Variants in DOCK1 observed in about 807,000 individuals in gnomAD.
DOCK1 encodes dedicator of cytokinesis protein 1.
DOCK1 carries 138 observed loss-of-function variants against 262.7 expected under a neutral mutation model. The ratio of observed to expected loss-of-function variants is 0.53; its 90% CI spans 0.46 to 0.61. The LOEUF is 0.61. Among genes scored for constraint, DOCK1 ranks in the 20% least tolerant of loss-of-function variants. The probability of loss-of-function intolerance (pLI) is 0.00; values close to 1 mark genes in which losing one functional copy is unlikely to be tolerated. For synonymous variants in DOCK1, 866 were observed against 867.4 expected (o/e 1.00, Z 0.03); for missense variants, 1,908 against 2,370.7 (o/e 0.80, Z 4.05).
intron 27 of DOCK1, among the ~76,000 whole-genome samples, chr10:127,158,616 G>A (rs1309983988): frequency 6.6e-6 from 1 of 152,152 alleles, no homozygotes; most frequent in Non-Finnish European, 1.5e-5. Context: ...CATAAGTCCA[G>A]AATAACACAC....
At chr10:127,428,158 C>T (rs2068944039) in intron 47 of DOCK1, among the ~76,000 whole-genome samples, 1 of 152,246 alleles carries the variant, frequency 6.6e-6, no homozygotes, top group Non-Finnish European at 1.5e-5. Context: ...AAGTTGATGC[C>T]TGTATTAATT....
At chr10:127,106,152 C>G in intron 23 of DOCK1, 79 bp from the exon 24 acceptor site, 8 of 1,399,602 alleles carry the variant, frequency 5.7e-6, no homozygotes, top group Non-Finnish European at 7.8e-6. Context: ...TTCTGCGGTT[C>G]TTCTCATAAG....
At chr10:127,081,449 G>T (rs1030307176) in intron 23 of DOCK1, among the ~76,000 whole-genome samples, 1 of 150,708 alleles carries the variant, frequency 6.6e-6, no homozygotes, top group African/African-American at 2.4e-5. Flanking sequence ...TGCTTCTGTT[G>T]TTCTCAAGTT....
chr10:127,247,970 T>C lies in DOCK1; in HGVS notation c.2848-38T>C. ...TTTCGGCTTTTCCCATGAGTGTTGCTCTGTCTCATCTAATTCTATCTTTTG... is the reference window on the plus strand; with the variant it reads ...TTTCGGCTTTTCCCATGAGTGTTGCCCTGTCTCATCTAATTCTATCTTTTG... On this transcript the variant is annotated intron_variant, in intron 27 of 51. Transcript: ENST00000623213. The C allele has an allele frequency of 2.5e-6, 4 of 1,596,332 alleles. No homozygotes were observed. The South Asian group carries it at 3.3e-5, about 13-fold the overall frequency.
chr10:127,126,391 G>A (rs2049963210), intron 26 of DOCK1, among the ~76,000 whole-genome samples: 2 of 151,668 alleles, frequency 1.3e-5, no homozygotes, highest in Non-Finnish European at 2.9e-5. Flanking sequence ...TATTCCTTTT[G>A]CATTTCTAAA....
At chr10:126,982,610 T>G (rs913098649) in intron 4 of DOCK1, among the ~76,000 whole-genome samples, 1 of 152,234 alleles carries the variant, frequency 6.6e-6, no homozygotes, top group Non-Finnish European at 1.5e-5. Context: ...ATTATAAAAT[T>G]ACTAATCATA....
At chr10:126,999,223 T>C (rs1020759359) in intron 8 of DOCK1, 131 bp from the exon 9 acceptor site, 3 of 671,056 alleles carry the variant, frequency 4.5e-6, no homozygotes, top group Non-Finnish European at 7.4e-6. Flanking sequence ...TGTGATACTT[T>C]TGATATTTAT....
intron 21 of DOCK1, among the ~76,000 whole-genome samples, chr10:127,045,040 A>T (rs1311123058): frequency 6.6e-6 from 1 of 151,926 alleles, no homozygotes; most frequent in Non-Finnish European, 1.5e-5. Flanking sequence ...TCTACTAAAA[A>T]TGCAAAAATT....
intron 29 of DOCK1, among the ~76,000 whole-genome samples, chr10:127,272,574 A>G (rs2060607954): frequency 6.6e-6 from 1 of 152,204 alleles, no homozygotes; most frequent in Non-Finnish European, 1.5e-5. Context: ...TTATAGACAG[A>G]AAAAATCTCT....
intron 40 of DOCK1, among the ~76,000 whole-genome samples, 180 bp from the exon 41 acceptor site, chr10:127,408,857 T>G (rs920794705): frequency 6.6e-6 from 1 of 151,630 alleles, no homozygotes; most frequent in Admixed American, 6.6e-5. Context: ...TTGATGACCA[T>G]GTGTTCTTGA....
At chr10:127,426,946 T>A (rs1470941601) in intron 47 of DOCK1, among the ~76,000 whole-genome samples, 1 of 152,192 alleles carries the variant, frequency 6.6e-6, no homozygotes, top group Non-Finnish European at 1.5e-5. Flanking sequence ...TTAGCAGATG[T>A]GGGAGCAAAG....
chr10:127,358,478 T>G (rs1205556572), intron 32 of DOCK1, among the ~76,000 whole-genome samples: 1 of 152,210 alleles, frequency 6.6e-6, no homozygotes, highest in African/African-American at 2.4e-5. Context: ...TGCAGCAGCC[T>G]GCCGGAGCAC....
chr10:127,081,357 C>A (rs968408001), intron 23 of DOCK1, among the ~76,000 whole-genome samples: 2 of 147,076 alleles, frequency 1.4e-5, no homozygotes, highest in Admixed American at 6.7e-5. Flanking sequence ...ATTTGTGGAC[C>A]CTGTATGTGG....
At chr10:126,914,099 C>CT (rs2032191641) in intron 1 of DOCK1, among the ~76,000 whole-genome samples, 1 of 152,212 alleles carries the variant, frequency 6.6e-6, no homozygotes, top group African/African-American at 2.4e-5. Flanking sequence ...AATTCAGGCT[C>CT]TCCCCAGCCC....
intron 19 of DOCK1, 116 bp from the exon 20 acceptor site, chr10:127,042,509 A>G: frequency 1.1e-6 from 1 of 884,930 alleles, no homozygotes; most frequent in South Asian, 1.5e-5. Context: ...ATGGCTTTAT[A>G]GGTAGTGCTG....
At chr10:127,119,178 G>A (rs1224682613) in intron 25 of DOCK1, among the ~76,000 whole-genome samples, 2 of 152,052 alleles carry the variant, frequency 1.3e-5, no homozygotes, top group Non-Finnish European at 2.9e-5. Context: ...TGAGTAGCTG[G>A]GACTACAGGC....
At chr10:127,150,732 G>C (rs1399794511) in intron 27 of DOCK1, among the ~76,000 whole-genome samples, 1 of 152,238 alleles carries the variant, frequency 6.6e-6, no homozygotes, top group East Asian at 1.9e-4. Flanking sequence ...TGTGGATTCA[G>C]TGCTTTGGAA....
intron 3 of DOCK1, among the ~76,000 whole-genome samples, chr10:126,981,646 A>G (rs930745724): frequency 6.6e-6 from 1 of 152,226 alleles, no homozygotes; most frequent in Non-Finnish European, 1.5e-5. Context: ...GGTGTGATCT[A>G]TGGAGCAGCC....
chr10:127,262,854 C>T (rs1370145992), intron 29 of DOCK1, among the ~76,000 whole-genome samples: 1 of 152,168 alleles, frequency 6.6e-6, no homozygotes, highest in Non-Finnish European at 1.5e-5. Flanking sequence ...CAGCAGCCCT[C>T]TGGGACAGCT....
Sources: allele counts gnomAD v4.1 joint callset (sites outside exome capture counted in the v4.1 genomes callset), GRCh38; gene constraint gnomAD v4.1.1; transcripts MANE v1.5; gene names NCBI Gene and HGNC (gene_info 2026-07-23, HGNC 2026-07-21).